Variants in ZNF846 observed in about 807,000 individuals in gnomAD.
ZNF846 encodes zinc finger protein 420 pseudogene.
In ZNF846, 15 loss-of-function variants were observed where a neutral mutation model predicts 16.0. The ratio of observed to expected loss-of-function variants is 0.94; its 90% CI spans 0.63 to 1.45. The LOEUF is 1.45. Ranked by LOEUF, ZNF846 falls within the 40% of genes most tolerant of loss-of-function variation. ZNF846 has a pLI of 0.00. For missense variants in ZNF846, 714 were observed against 622.3 expected, an observed-to-expected ratio of 1.15 and a Z score of -1.57; for synonymous variants, 229 against 212.0, an observed-to-expected ratio of 1.08 and a Z score of -0.70.
chr19:9,777,136 A>AACACACACACACGCACACACACACACAC (rs2045452878), intron 1 of ZNF846, among the ~76,000 whole-genome samples: 3 of 149,558 alleles, frequency 2.0e-5, no homozygotes, highest in African/African-American at 7.5e-5. Flanking sequence ...AACGAAAGAA[A>AACACACACACACGCACACACACACACAC]ACACACACAC....
At chr19:9,764,979 G>A in exon 2 of ZNF846, 2 of 1,613,890 alleles carry the variant, frequency 1.2e-6, no homozygotes, top group Non-Finnish European at 1.7e-6. Flanking sequence ...CCAGCCACTA[G>A]CCTTGGCTTC....
intron 1 of ZNF846, among the ~76,000 whole-genome samples, chr19:9,779,035 G>A (rs148157843): frequency 1.2e-3 from 190 of 152,184 alleles, no homozygotes; most frequent in African/African-American, 4.2e-3. Context: ...GACTGCCTGA[G>A]ATTGAATCTA....
exon 6 of ZNF846, chr19:9,757,492 C>A: frequency 6.3e-7 from 1 of 1,588,972 alleles, no homozygotes; most frequent in Non-Finnish European, 8.6e-7. Context: ...TTTTCACATG[C>A]CTTAGTTCTT....
chr19:9,777,522 T>A, intron 1 of ZNF846, among the ~76,000 whole-genome samples: 1 of 149,912 alleles, frequency 6.7e-6, no homozygotes, highest in East Asian at 2.0e-4. Context: ...AATACAAAAA[T>A]TAGCTGGGCG....
chr19:9,785,234 C>G (rs976147558), intron 1 of ZNF846, among the ~76,000 whole-genome samples: 8 of 141,508 alleles, frequency 5.7e-5, no homozygotes, highest in African/African-American at 7.9e-5. Context: ...GACGGAGTCT[C>G]GCTCTATCAC....
At chr19:9,752,614 C>CAA (rs34675292), downstream of ZNF846, among the ~76,000 whole-genome samples, 215 of 91,280 alleles carry the variant, frequency 2.4e-3, no homozygotes, top group Middle Eastern at 6.9e-3. Context: ...GACTTCATCC[C>CAA]AAAAAAAAAA....
chr19:9,755,526 C>A (rs566563582), downstream of ZNF846: 2 of 151,242 alleles, frequency 1.3e-5, no homozygotes, highest in Non-Finnish European at 2.9e-5. Flanking sequence ...CCAGGCCGGG[C>A]GCGGTGGCTC....
intron 1 of ZNF846, among the ~76,000 whole-genome samples, chr19:9,784,407 T>C (rs1175285240): frequency 6.6e-6 from 1 of 152,208 alleles, no homozygotes; most frequent in Non-Finnish European, 1.5e-5. Flanking sequence ...TGTTTCACTT[T>C]ACACAAACAT....
downstream of ZNF846, among the ~76,000 whole-genome samples, chr19:9,753,418 A>ATT (rs575904125): frequency 0.05 from 6,730 of 135,528 alleles, 241 homozygotes; most frequent in South Asian, 0.1. Context: ...CACTGGGCTG[A>ATT]TTTTTTTTTT....
downstream of ZNF846, among the ~76,000 whole-genome samples, chr19:9,755,054 C>T (rs543711243): frequency 1.7e-4 from 25 of 151,212 alleles, 1 homozygote; most frequent in African/African-American, 5.6e-4. Flanking sequence ...TTAGTAGAGA[C>T]GGGGTTTCAC....
At chr19:9,761,409 A>G (rs947022544) in intron 4 of ZNF846, among the ~76,000 whole-genome samples, 3 of 152,030 alleles carry the variant, frequency 2.0e-5, no homozygotes, top group African/African-American at 7.2e-5. Flanking sequence ...CTATGTCAGA[A>G]GTTTTGCAAT....
chr19:9,757,801 C>A lies in ZNF846; in HGVS notation c.1276G>T (p.Glu426Ter). 1 of 1,613,564 alleles carries A rather than the reference C, an allele frequency of 6.2e-7. No individual in the cohort carries two copies. The highest frequency in any genetic ancestry group is 8.5e-7 in the Non-Finnish European group (1 of 1,180,020). The change falls in exon 6 of 6, where the codon GAA becomes TAA. Residue 426 changes from glutamate (E) to a stop codon, truncating the protein, a stop_gained. Coordinates refer to ENST00000397902, the Ensembl canonical transcript of ZNF846. LOFTEE classifies it low-confidence loss of function (END_TRUNC). ...GATTGAGTGAAAGCTTTCCCACATTCTTTGCATTCATATGGCTTCTCTCCA... is the reference window on the plus strand; with the variant it reads ...GATTGAGTGAAAGCTTTCCCACATTATTTGCATTCATATGGCTTCTCTCCA...
At chr19:9,761,097 G>C (rs906569227) in intron 4 of ZNF846, among the ~76,000 whole-genome samples, 7 of 148,366 alleles carry the variant, frequency 4.7e-5, no homozygotes, top group Admixed American at 4.6e-4. Flanking sequence ...TACTCAGAAG[G>C]CTGAGGCAGG....
At chr19:9,784,114 A>G (rs945090694) in intron 1 of ZNF846, among the ~76,000 whole-genome samples, 1 of 151,116 alleles carries the variant, frequency 6.6e-6, no homozygotes, top group Admixed American at 6.6e-5. Flanking sequence ...CGCAAGGTGG[A>G]GACAAGAGAC....
At chr19:9,769,064 G>GCTTTT (rs967622360), upstream of ZNF846, among the ~76,000 whole-genome samples, 2 of 152,172 alleles carry the variant, frequency 1.3e-5, no homozygotes, top group African/African-American at 4.8e-5. Context: ...CTCATCGAGT[G>GCTTTT]CTTTTCTTTT....
downstream of ZNF846, among the ~76,000 whole-genome samples, chr19:9,749,546 CTTTTTTT>C (rs60331343): frequency 2.0e-4 from 25 of 125,562 alleles, no homozygotes; most frequent in Non-Finnish European, 3.8e-4. Context: ...ATAAGTCTTT[CTTTTTTT>C]TTTTTTTTTT....
At chr19:9,749,369 C>T (rs966441911), downstream of ZNF846, among the ~76,000 whole-genome samples, 2 of 152,050 alleles carry the variant, frequency 1.3e-5, no homozygotes, top group South Asian at 2.1e-4. Context: ...CTCAACTACT[C>T]GTAAATGCCC....
At chr19:9,781,055 T>G (rs1568331071) in intron 1 of ZNF846, among the ~76,000 whole-genome samples, 2 of 152,234 alleles carry the variant, frequency 1.3e-5, no homozygotes, top group Admixed American at 1.3e-4. Context: ...GCTCTTCTTG[T>G]CCACTTGATA....
upstream of ZNF846, chr19:9,786,094 G>A (rs2045557490): frequency 6.6e-6 from 1 of 151,988 alleles, no homozygotes; most frequent in Non-Finnish European, 1.5e-5. Flanking sequence ...GGAGTTGGGA[G>A]GGGCGGCGGC....
Sources: allele counts gnomAD v4.1 joint callset (sites outside exome capture counted in the v4.1 genomes callset), GRCh38; gene constraint gnomAD v4.1.1; transcripts MANE v1.5; gene names NCBI Gene and HGNC (gene_info 2026-07-23, HGNC 2026-07-21).